Variants in RAI14 observed in about 807,000 individuals in gnomAD.
RAI14 encodes the protein retinoic acid induced 14.
In RAI14, 45 loss-of-function variants were observed where a neutral mutation model predicts 115.4. The observed-to-expected ratio is 0.39, with a 90% CI of 0.31 to 0.50. The LOEUF (loss-of-function observed/expected upper bound fraction) is 0.50, where lower values mean the gene tolerates loss of function less well. RAI14 is among the 20% of genes least tolerant of loss of function. RAI14 has a pLI of 0.85. For missense variants in RAI14, 939 were observed against 1,131.2 expected, an observed-to-expected ratio of 0.83 and a Z score of 2.44; for synonymous variants, 371 against 415.4, an observed-to-expected ratio of 0.89 and a Z score of 1.30.
At chr5:34,732,691 G>A (rs1267218257) in intron 2 of RAI14, among the ~76,000 whole-genome samples, 1 of 150,792 alleles carries the variant, frequency 6.6e-6, no homozygotes, top group Non-Finnish European at 1.5e-5. Flanking sequence ...CACCCTCCTG[G>A]CCTCCCAAAG....
intron 3 of RAI14, among the ~76,000 whole-genome samples, chr5:34,766,233 G>A (rs974337389): frequency 3.9e-5 from 6 of 152,058 alleles, no homozygotes; most frequent in African/African-American, 1.4e-4. Context: ...GTGAGAAGAG[G>A]GCCACAATCC....
chr5:34,795,890 C>T, intron 3 of RAI14, 49 bp from the exon 4 acceptor site: 2 of 1,494,630 alleles, frequency 1.3e-6, no homozygotes. Flanking sequence ...TGGAGATGAA[C>T]ATTAAAGAGT....
chr5:34,762,018 A>G (rs1321940072), intron 3 of RAI14, among the ~76,000 whole-genome samples: 5 of 152,220 alleles, frequency 3.3e-5, no homozygotes, highest in Non-Finnish European at 7.3e-5. Context: ...TGAATCCCGT[A>G]GAGTACAGTA....
At chr5:34,814,760 A>G in intron 12 of RAI14, 91 bp downstream of exon 12, 1 of 1,001,052 alleles carries the variant, frequency 1.0e-6, no homozygotes, top group Non-Finnish European at 1.6e-6. Context: ...AAAACAGAAT[A>G]TACTTCTGAA....
intron 4 of RAI14, among the ~76,000 whole-genome samples, chr5:34,797,637 G>T (rs1232474508): frequency 6.6e-6 from 1 of 152,072 alleles, no homozygotes; most frequent in Non-Finnish European, 1.5e-5. Flanking sequence ...GGGGATAAAT[G>T]GTTTCCTTAA....
In RAI14 at chr5:34,813,647, T is replaced by A. The variant is rs767745907; in HGVS notation, c.839T>A (p.Ile280Asn). The change falls in exon 11 of 18, where the codon ATC (isoleucine) becomes AAC (asparagine). Residue 280 changes from isoleucine (I) to asparagine (N), a missense_variant. Physicochemically the swap from Ile to Asn is moderately radical, Grantham distance 149. Coordinates refer to ENST00000265109, the MANE Select transcript of RAI14 (RefSeq NM_015577.3). The part of the protein sequence containing the change: ...PKKRKAPPPP[I>N]SPTQLSDVSS... The stretch of plus-strand genomic sequence containing the variant: ...AAACGCAAAGCTCCACCACCTCCTA[T>A]CAGTCCTACCCAGGTAAAAACAAAA... 2 of 1,611,432 alleles carry A rather than the reference T, an allele frequency of 1.2e-6. No individual in the cohort carries two copies. Among genetic ancestry groups the A allele is most frequent in the Non-Finnish European group, 8.5e-7 (1 of 1,177,794 alleles).
At chr5:34,728,251 T>A (rs1239994624) in intron 2 of RAI14, among the ~76,000 whole-genome samples, 3 of 152,222 alleles carry the variant, frequency 2.0e-5, no homozygotes, top group Admixed American at 1.3e-4. Flanking sequence ...GGGACTTGTC[T>A]TGTCTCAGAT....
intron 8 of RAI14, 58 bp from the exon 9 acceptor site, chr5:34,811,709 C>T: frequency 2.1e-6 from 3 of 1,450,002 alleles, no homozygotes; most frequent in Middle Eastern, 1.7e-4. Flanking sequence ...AACTGATTTC[C>T]CAAGAAAGAC....
chr5:34,787,583 G>T (rs1345615327), intron 3 of RAI14, among the ~76,000 whole-genome samples: 1 of 152,138 alleles, frequency 6.6e-6, no homozygotes, highest in African/African-American at 2.4e-5. Context: ...CCTGGGAGTT[G>T]GGGAAGTAGG....
intron 1 of RAI14, among the ~76,000 whole-genome samples, chr5:34,657,608 C>G (rs1742378278): frequency 1.3e-5 from 2 of 152,236 alleles, no homozygotes; most frequent in South Asian, 4.1e-4. Context: ...CCGCAGCTCA[C>G]GCATGATCGG....
intron 2 of RAI14, among the ~76,000 whole-genome samples, chr5:34,708,369 A>G (rs1740988500): frequency 6.6e-6 from 1 of 151,948 alleles, no homozygotes; most frequent in African/African-American, 2.4e-5. Flanking sequence ...CGCCCGGCTA[A>G]TTTTCTATTT....
intron 1 of RAI14, among the ~76,000 whole-genome samples, chr5:34,664,576 G>A (rs1205635574): frequency 4.0e-5 from 6 of 151,644 alleles, no homozygotes; most frequent in African/African-American, 9.7e-5. Context: ...AAGATATTCT[G>A]TTTTCTTATG....
intron 3 of RAI14, among the ~76,000 whole-genome samples, chr5:34,779,738 GAAC>G (rs1390587698): frequency 9.9e-5 from 15 of 152,248 alleles, no homozygotes; most frequent in Admixed American, 8.5e-4. Context: ...ACAAATGGAA[GAAC>G]GTTCCATGCT....
At chr5:34,687,615 C>G in intron 2 of RAI14, 1 of 1,545,220 alleles carries the variant, frequency 6.5e-7, no homozygotes, top group South Asian at 1.2e-5. Flanking sequence ...AAAGGTCACC[C>G]CATAAACCCT....
chr5:34,747,363 C>A (rs1200876681), intron 2 of RAI14, among the ~76,000 whole-genome samples: 2 of 152,206 alleles, frequency 1.3e-5, no homozygotes, highest in Non-Finnish European at 2.9e-5. Flanking sequence ...CCTCTTTGGG[C>A]TTTCATAGGA....
intron 1 of RAI14, among the ~76,000 whole-genome samples, chr5:34,677,361 G>C (rs115101314): frequency 0.014 from 2,151 of 152,012 alleles, 27 homozygotes; most frequent in Non-Finnish European, 0.023. Context: ...ACGAGGTTTT[G>C]CCATGTTGGC....
In RAI14 at chr5:34,807,855, C is replaced by G. The variant is rs1755112135; in HGVS notation, c.377C>G (p.Ala126Gly). The change falls in exon 6 of 18, where the codon GCA becomes GGA. Residue 126 changes from alanine (A) to glycine (G), a missense_variant and splice_region_variant. Physicochemically the swap from Ala to Gly is moderately conservative, Grantham distance 60. Coordinates refer to ENST00000265109, the MANE Select transcript of RAI14 (RefSeq NM_015577.3). ...DSSGKTALHY[A>G]AAQGCLQAVQ... is the part of the protein sequence containing the mutation. Reference sequence around the variant, plus strand: ...TCTGGGAAAACAGCTTTACATTATGCAGGTAACTTTCATTCTCCTATTTGT... The same window carrying G: ...TCTGGGAAAACAGCTTTACATTATGGAGGTAACTTTCATTCTCCTATTTGT... 2.5e-6 allele frequency: 4 copies of G among 1,610,152 alleles called. No individual in the cohort carries two copies. The highest frequency in any genetic ancestry group is 2.6e-6 in the Non-Finnish European group (3 of 1,176,418).
intron 3 of RAI14, among the ~76,000 whole-genome samples, chr5:34,758,859 C>T (rs985138412): frequency 9.9e-5 from 15 of 152,138 alleles, no homozygotes; most frequent in Non-Finnish European, 1.8e-4. Flanking sequence ...ATTTATCTGG[C>T]CTTTTACAAA....
At chr5:34,676,513 G>C (rs1413000767) in intron 1 of RAI14, among the ~76,000 whole-genome samples, 1 of 152,182 alleles carries the variant, frequency 6.6e-6, no homozygotes, top group Non-Finnish European at 1.5e-5. Flanking sequence ...AATGGAGTTA[G>C]GGCAGGAGGT....
Sources: allele counts gnomAD v4.1 joint callset (sites outside exome capture counted in the v4.1 genomes callset), GRCh38; gene constraint gnomAD v4.1.1; transcripts MANE v1.5; gene names NCBI Gene and HGNC (gene_info 2026-07-23, HGNC 2026-07-21).